Variants in INKA2 observed in about 807,000 individuals in gnomAD.
INKA2 encodes inka box actin regulator 2.
In INKA2, 3 loss-of-function variants were observed where a neutral mutation model predicts 9.8. That is an observed-to-expected ratio of 0.31 (90% CI 0.14 to 0.79). INKA2 has a LOEUF of 0.79. Among genes scored for constraint, INKA2 ranks in the 30% least tolerant of loss-of-function variants. INKA2 has a pLI of 0.62. For synonymous variants in INKA2, 147 were observed against 143.3 expected, an observed-to-expected ratio of 1.03 and a Z score of -0.18; for missense variants, 392 against 384.4, an observed-to-expected ratio of 1.02 and a Z score of -0.17.
At chr1:111,743,166 G>A (rs2101385410), upstream of INKA2, among the ~76,000 whole-genome samples, 1 of 152,298 alleles carries the variant, frequency 6.6e-6, no homozygotes, top group South Asian at 2.1e-4. Context: ...GGAATCAGAT[G>A]GCTCAGCCTC....
At chr1:111,735,620 G>A (rs377173107) in intron 1 of INKA2, among the ~76,000 whole-genome samples, 5 of 152,108 alleles carry the variant, frequency 3.3e-5, no homozygotes, top group South Asian at 2.1e-4. Context: ...TTTCCCCAGC[G>A]TTAAACATCA....
At chr1:111,752,119 G>A (rs1029733544) in intron 1 of INKA2, among the ~76,000 whole-genome samples, 5 of 152,158 alleles carry the variant, frequency 3.3e-5, no homozygotes, top group African/African-American at 9.7e-5. Context: ...CAATGCAAAC[G>A]TGATGACTGG....
At chr1:111,755,476 T>C (rs748215227) in intron 1 of INKA2, 28 of 570,310 alleles carry the variant, frequency 4.9e-5, no homozygotes, top group South Asian at 1.3e-4. Flanking sequence ...ACGGAGCGGG[T>C]AGCGTTGGGG....
At chr1:111,748,503 A>C (rs1663322954) in intron 1 of INKA2, among the ~76,000 whole-genome samples, 1 of 152,232 alleles carries the variant, frequency 6.6e-6, no homozygotes, top group Non-Finnish European at 1.5e-5. Context: ...GGGAGGCAGC[A>C]GTTTGCTTCT....
chr1:111,727,858 C>G, intron 1 of INKA2, 54 bp from the exon 2 acceptor site: 1 of 1,558,818 alleles, frequency 6.4e-7, no homozygotes, highest in Non-Finnish European at 8.7e-7. Flanking sequence ...GCAGCAGTGC[C>G]TCTCCCAGCC....
In INKA2 at chr1:111,722,870, A is replaced by G; in HGVS notation, c.*4098T>C. On this transcript the variant is annotated 3_prime_UTR_variant, in exon 2 of 2. Transcript: ENST00000357260. ...CATGGTTAGTGCCTCTACTAAGGGG[A>G]TGGGTTGTCCAGTATCTGCTGAGCT... is the stretch of plus-strand genomic sequence containing the variant. 1.9e-6 allele frequency: 1 copy of G among 532,388 alleles called. No individual in the cohort carries two copies. Among genetic ancestry groups the G allele is most frequent in the Non-Finnish European group, 3.3e-6 (1 of 300,398 alleles). The allele number at this position is 532,388 out of a possible 1,614,324, so 33.0% of individuals were successfully genotyped here. A position where few individuals can be genotyped will look rare whatever the true frequency, so the allele number is the denominator to read the frequency against.
Position 111,737,265 on chromosome 1 carries a change from T to C in INKA2, c.57+1921A>G, listed in dbSNP as rs550285115. Among the ~76,000 whole-genome samples, 5 of 152,234 alleles carry C rather than the reference T, an allele frequency of 3.3e-5. No individual in the cohort carries two copies. The East Asian group carries it at 9.6e-4, about 29-fold the overall frequency. On this transcript the variant is annotated intron_variant, in intron 1 of 1. Coordinates refer to ENST00000357260, the MANE Select transcript of INKA2 (RefSeq NM_019099.5). ...AGTCCTTGGCAGGAGAGGGTGCAAATCAAGATGTGAAGCTCAGCTCAGTGC... is the reference window on the plus strand; with the variant it reads ...AGTCCTTGGCAGGAGAGGGTGCAAACCAAGATGTGAAGCTCAGCTCAGTGC...
At chr1:111,733,768 T>G (rs1662957904) in intron 1 of INKA2, among the ~76,000 whole-genome samples, 1 of 151,952 alleles carries the variant, frequency 6.6e-6, no homozygotes, top group Non-Finnish European at 1.5e-5. Flanking sequence ...GATGGGAAAA[T>G]GTGACGCCAG....
rs375802753 is a variant in INKA2, at chr1:111,754,839, T to C, written n.124+862A>G. ...AAGACAGAATAGGTTCTTGTCCTCATAGAGTGTGGGAGACAGGCAGAAGAC... is the reference window on the plus strand; with the variant it reads ...AAGACAGAATAGGTTCTTGTCCTCACAGAGTGTGGGAGACAGGCAGAAGAC... On this transcript the variant is annotated intron_variant and non_coding_transcript_variant, in intron 1 of 1. Transcript: ENST00000444059. 2.0e-5 allele frequency: 3 copies of C among 152,344 alleles called. No homozygotes were observed. In the East Asian group the frequency reaches 5.8e-4, roughly 29 times the overall value. 9.4% of individuals were successfully genotyped at this position (152,344 alleles called of 1,614,324 possible).
intron 1 of INKA2, 85 bp from the exon 2 acceptor site, chr1:111,727,889 C>G: frequency 7.7e-7 from 1 of 1,296,892 alleles, no homozygotes; most frequent in Non-Finnish European, 1.1e-6. Context: ...GTCCCCCACC[C>G]AAACATACAC....
upstream of INKA2, among the ~76,000 whole-genome samples, chr1:111,740,242 T>C (rs1212530974): frequency 1.1e-4 from 16 of 152,260 alleles, no homozygotes; most frequent in Admixed American, 1.0e-3. Flanking sequence ...TCAACCTAGC[T>C]GACGCTCTCG....
intron 1 of INKA2, among the ~76,000 whole-genome samples, chr1:111,728,960 T>C (rs1203464978): frequency 7.3e-6 from 1 of 137,654 alleles, no homozygotes; most frequent in Admixed American, 8.2e-5. Flanking sequence ...AGCACAGTGG[T>C]GACTATTCTC....
upstream of INKA2, among the ~76,000 whole-genome samples, chr1:111,744,062 G>A (rs1663206592): frequency 6.6e-6 from 1 of 152,234 alleles, no homozygotes. Flanking sequence ...TGGTAGGGGA[G>A]GAACTGGACT....
In INKA2 at chr1:111,727,156, TG is replaced by T. The variant is rs1280977784; in HGVS notation, c.705del (p.Met236TrpfsTer65). ...CGGCCGGTTCGGGACTCAGGGACCATGGGTGTCACCCAGCCTGGCTTCTCCT... is the reference window on the plus strand; with the variant it reads ...CGGCCGGTTCGGGACTCAGGGACCATGGTGTCACCCAGCCTGGCTTCTCCT... Reference protein sequence around the residue: ...LLKEKPGWVTPMVPESRTGRS... With the variant: ...LLKEKPGWVTXMVPESRTGRS... On this transcript the variant is annotated frameshift_variant, in exon 2 of 2. Transcript: ENST00000357260. LOFTEE classifies it high-confidence loss of function. 1 of 1,614,074 alleles carries T rather than the reference TG, an allele frequency of 6.2e-7. No individual in the cohort carries two copies. The highest frequency in any genetic ancestry group is 2.2e-5 in the East Asian group (1 of 44,888).
chr1:111,748,439 G>A (rs116548490), intron 1 of INKA2, among the ~76,000 whole-genome samples: 4,333 of 152,268 alleles, frequency 0.028, 192 homozygotes, highest in African/African-American at 0.099. Context: ...TTGAAATGTC[G>A]AGAGCACGGT....
At chr1:111,754,453 G>A (rs1468513321) in intron 1 of INKA2, 1 of 152,200 alleles carries the variant, frequency 6.6e-6, no homozygotes, top group Non-Finnish European at 1.5e-5. Context: ...ACAATGACCA[G>A]CATTATAATC....
upstream of INKA2, among the ~76,000 whole-genome samples, chr1:111,743,659 C>T (rs1246235917): frequency 1.3e-5 from 2 of 152,200 alleles, no homozygotes; most frequent in Non-Finnish European, 2.9e-5. Context: ...AAGACATACC[C>T]GAGTGAGGCA....
rs1663299009 is a variant in INKA2 at position 111,747,469 on chromosome 1, C to A, written n.124+8232G>T. On this transcript the variant is annotated intron_variant and non_coding_transcript_variant, in intron 1 of 1. Coordinates refer to the INKA2 transcript ENST00000444059. ...TTTGTCCTCTTCATGCAAATGTTGC[C>A]ACCTTGTGCCAGCTCTCTCACCTAG... 3 of 152,376 alleles carry A rather than the reference C, an allele frequency of 2.0e-5. No individual in the cohort carries two copies. In the South Asian group the frequency reaches 6.2e-4, roughly 32 times the overall value. 9.4% of individuals were successfully genotyped at this position (152,376 alleles called of 1,614,324 possible). A position where few individuals can be genotyped will look rare whatever the true frequency, so the allele number is the denominator to read the frequency against.
chr1:111,734,176 G>A (rs1396742267), intron 1 of INKA2, among the ~76,000 whole-genome samples: 2 of 152,182 alleles, frequency 1.3e-5, no homozygotes, highest in Non-Finnish European at 2.9e-5. Flanking sequence ...AGGAGGAAGT[G>A]AGGGCTGTGA....
Sources: allele counts gnomAD v4.1 joint callset (sites outside exome capture counted in the v4.1 genomes callset), GRCh38; gene constraint gnomAD v4.1.1; transcripts MANE v1.5; gene names NCBI Gene and HGNC (gene_info 2026-07-23, HGNC 2026-07-21).